DENND1A: variants seen among roughly 807,000 people sequenced by gnomAD.
DENND1A encodes DENN domain-containing protein 1A.
A neutral mutation model predicts 113.7 loss-of-function variants in DENND1A; 51 were observed. The observed-to-expected ratio is 0.45, with a 90% CI of 0.36 to 0.57. The LOEUF is 0.57. Among genes scored for constraint, DENND1A ranks in the 20% least tolerant of loss-of-function variants. DENND1A has a pLI of 0.00. For synonymous variants in DENND1A, 565 were observed against 570.8 expected (o/e 0.99, Z 0.14); for missense variants, 1,258 against 1,395.9 (o/e 0.90, Z 1.57).
intron 2 of DENND1A, among the ~76,000 whole-genome samples, chr9:123,861,129 T>C (rs1196241391): frequency 6.6e-6 from 1 of 152,188 alleles, no homozygotes; most frequent in East Asian, 1.9e-4. Context: ...GTCCAATGCC[T>C]ATTCCTCCCC....
chr9:123,565,380 C>A (rs2057997397), intron 12 of DENND1A, among the ~76,000 whole-genome samples: 1 of 152,210 alleles, frequency 6.6e-6, no homozygotes, highest in South Asian at 2.1e-4. Flanking sequence ...TTGAGAGGTA[C>A]AGTTCTAAAA....
At chr9:123,433,086 A>G (rs1293786269) in intron 19 of DENND1A, among the ~76,000 whole-genome samples, 1 of 152,246 alleles carries the variant, frequency 6.6e-6, no homozygotes, top group Non-Finnish European at 1.5e-5. Flanking sequence ...CATTGGGGAA[A>G]GAGACTGATA....
At chr9:123,499,506 A>G (rs1406913053) in intron 13 of DENND1A, among the ~76,000 whole-genome samples, 1 of 152,186 alleles carries the variant, frequency 6.6e-6, no homozygotes, top group African/African-American at 2.4e-5. Context: ...CAGCGCTCTC[A>G]TCACTTTATA....
At chr9:123,655,426 G>A (rs948290004) in intron 8 of DENND1A, among the ~76,000 whole-genome samples, 2 of 152,134 alleles carry the variant, frequency 1.3e-5, no homozygotes, top group African/African-American at 4.8e-5. Flanking sequence ...AACGTAGCAT[G>A]TGACTCCAGA....
chr9:123,918,113 C>CA lies in DENND1A; in HGVS notation c.17+11775dup, dbSNP rs200189692. ...TGGTCAACAGGATGAGACTCTGTCTCAAAAAAAATAAATAAATAAATAAAT... is the reference window on the plus strand; with the variant it reads ...TGGTCAACAGGATGAGACTCTGTCTCAAAAAAAAATAAATAAATAAATAAAT... On this transcript the variant is annotated intron_variant, in intron 1 of 23. Coordinates refer to ENST00000394215, the MANE Select transcript of DENND1A (RefSeq NM_001352964.2). Among the ~76,000 whole-genome samples, 380 of 142,354 alleles carry CA rather than the reference C, an allele frequency of 2.7e-3. 7 individuals are homozygous for CA. The highest frequency in any genetic ancestry group is 3.7e-3 in the Middle Eastern group (1 of 272). 93.4% of individuals were successfully genotyped at this position (142,354 alleles called of 152,430 possible).
intron 1 of DENND1A, among the ~76,000 whole-genome samples, chr9:123,882,357 A>T (rs987082179): frequency 4.0e-5 from 6 of 151,574 alleles, no homozygotes; most frequent in Non-Finnish European, 8.8e-5. Context: ...TTGGGCATCT[A>T]AGAAGCATTT....
At chr9:123,581,937 T>C (rs954208167) in intron 12 of DENND1A, among the ~76,000 whole-genome samples, 2 of 152,122 alleles carry the variant, frequency 1.3e-5, no homozygotes, top group Non-Finnish European at 2.9e-5. Flanking sequence ...AAGGGGAGAA[T>C]GGGTCTACCT....
chr9:123,433,118 A>C (rs140043543), intron 19 of DENND1A, among the ~76,000 whole-genome samples: 181 of 152,346 alleles, frequency 1.2e-3, no homozygotes, highest in African/African-American at 4.0e-3. Context: ...CCTGTGTGCC[A>C]GCGCTGAGCT....
chr9:123,750,117 A>G (rs2069880056), intron 5 of DENND1A, among the ~76,000 whole-genome samples: 1 of 152,114 alleles, frequency 6.6e-6, no homozygotes. Context: ...CAGAAGACAC[A>G]CCTGTCCTTC....
intron 13 of DENND1A, among the ~76,000 whole-genome samples, chr9:123,510,746 C>T (rs554221665): frequency 6.6e-6 from 1 of 152,298 alleles, no homozygotes; most frequent in South Asian, 2.1e-4. Flanking sequence ...GGAGATGTGG[C>T]CTTGAGGCTT....
chr9:123,870,492 A>T (rs1846408508), intron 2 of DENND1A, among the ~76,000 whole-genome samples: 1 of 146,624 alleles, frequency 6.8e-6, no homozygotes. Flanking sequence ...GCTGGAGTGC[A>T]GTGGCGTGAT....
chr9:123,609,699 G>A (rs2060325928), intron 10 of DENND1A, among the ~76,000 whole-genome samples: 1 of 152,182 alleles, frequency 6.6e-6, no homozygotes, highest in Non-Finnish European at 1.5e-5. Flanking sequence ...AGCATGGGTA[G>A]CAGGAAGAGC....
At chr9:123,415,562 C>T (rs2044658336) in intron 19 of DENND1A, among the ~76,000 whole-genome samples, 1 of 152,194 alleles carries the variant, frequency 6.6e-6, no homozygotes, top group South Asian at 2.1e-4. Context: ...GCGGATTAGA[C>T]AGTAATCCCG....
intron 21 of DENND1A, among the ~76,000 whole-genome samples, chr9:123,392,705 C>T (rs557390417): frequency 1.3e-5 from 2 of 152,270 alleles, no homozygotes; most frequent in East Asian, 1.9e-4. Context: ...AGGTGGTATT[C>T]GGATACATGA....
At chr9:123,865,223 T>A (rs1303093702) in intron 2 of DENND1A, among the ~76,000 whole-genome samples, 1 of 152,122 alleles carries the variant, frequency 6.6e-6, no homozygotes, top group Admixed American at 6.5e-5. Flanking sequence ...TAAATCTAAA[T>A]CTCAACTTCA....
intron 2 of DENND1A, among the ~76,000 whole-genome samples, chr9:123,813,026 C>A (rs954582720): frequency 4.6e-5 from 7 of 152,144 alleles, no homozygotes; most frequent in African/African-American, 1.7e-4. Context: ...TCATGGCTCA[C>A]TGCAGCCTTG....
At chr9:123,726,118 G>A (rs2067689891) in intron 5 of DENND1A, among the ~76,000 whole-genome samples, 1 of 152,140 alleles carries the variant, frequency 6.6e-6, no homozygotes, top group Non-Finnish European at 1.5e-5. Context: ...TCACAGCATT[G>A]ATTTCCCTCT....
At chr9:123,507,836 A>AT (rs2053103131) in intron 13 of DENND1A, among the ~76,000 whole-genome samples, 4 of 151,646 alleles carry the variant, frequency 2.6e-5, no homozygotes, top group Admixed American at 2.0e-4. Flanking sequence ...AAATAAATAA[A>AT]TAAATAAATA....
rs534385146 is a variant in DENND1A at position 123,763,831 on chromosome 9, C to G, written c.182+5683G>C. Among the ~76,000 whole-genome samples the G allele has an allele frequency of 2.0e-5, 3 of 152,036 alleles. No individual in the cohort carries two copies. In the South Asian group the frequency reaches 6.2e-4, roughly 32 times the overall value. On this transcript the variant is annotated intron_variant, in intron 4 of 23. Coordinates refer to ENST00000394215, the MANE Select transcript of DENND1A (RefSeq NM_001352964.2). ...AAGCAATATGGAGGTTTTAGATGAC[C>G]TCGATAAAAACAGCTCTAGTTGAAT...
Sources: gnomAD v4.1 joint callset for allele counts (sites outside exome capture counted in the v4.1 genomes callset) on GRCh38, gnomAD v4.1.1 for gene constraint, MANE v1.5 for transcripts, NCBI Gene and HGNC (gene_info 2026-07-23, HGNC 2026-07-21) for gene names.